Variants in PCDH9 observed in about 807,000 individuals in gnomAD.
PCDH9 encodes the protein protocadherin 9.
A neutral mutation model predicts 70.6 loss-of-function variants in PCDH9; 24 were observed. That is an observed-to-expected ratio of 0.34 (90% confidence interval 0.25 to 0.48). The LOEUF (loss-of-function observed/expected upper bound fraction) is 0.48, where lower values mean the gene tolerates loss of function less well. Ranked by LOEUF, PCDH9 falls within the 20% of genes least tolerant of loss-of-function variation. The pLI is 0.99. For missense variants in PCDH9, 1,281 were observed against 1,503.6 expected, an observed-to-expected ratio of 0.85 and a Z score of 2.45; for synonymous variants, 562 against 558.5, an observed-to-expected ratio of 1.01 and a Z score of -0.09.
chr13:66,601,129 A>G (rs2077160758), intron 4 of PCDH9, among the ~76,000 whole-genome samples: 1 of 145,634 alleles, frequency 6.9e-6, no homozygotes. Context: ...CATACAGCAT[A>G]TAATTCACAG....
chr13:66,807,325 A>G (rs1361387854), intron 3 of PCDH9, among the ~76,000 whole-genome samples: 2 of 152,232 alleles, frequency 1.3e-5, no homozygotes, highest in African/African-American at 4.8e-5. Context: ...TTAAATGATT[A>G]CCAAATAGCT....
At chr13:66,796,521 TG>T (rs2139330361) in intron 3 of PCDH9, among the ~76,000 whole-genome samples, 1 of 152,308 alleles carries the variant, frequency 6.6e-6, no homozygotes, top group South Asian at 2.1e-4. Context: ...TAAATAAAAG[TG>T]TAACTGTGTT....
At chr13:66,426,972 A>C (rs1428206736) in intron 4 of PCDH9, among the ~76,000 whole-genome samples, 1 of 151,654 alleles carries the variant, frequency 6.6e-6, no homozygotes, top group Non-Finnish European at 1.5e-5. Flanking sequence ...ATTTGAAATC[A>C]GGAAGATATA....
At chr13:66,790,082 A>C (rs912400362) in intron 3 of PCDH9, among the ~76,000 whole-genome samples, 4 of 152,142 alleles carry the variant, frequency 2.6e-5, no homozygotes, top group African/African-American at 7.2e-5. Context: ...GATTAATAAG[A>C]ATTTTACTGA....
At chr13:66,350,993 G>A (rs148541525) in intron 4 of PCDH9, among the ~76,000 whole-genome samples, 2 of 152,218 alleles carry the variant, frequency 1.3e-5, no homozygotes, top group African/African-American at 2.4e-5. Context: ...CAGGTCCTAC[G>A]AATATAGGAC....
At chr13:66,895,548 G>A (rs1049994888) in intron 3 of PCDH9, among the ~76,000 whole-genome samples, 4 of 152,234 alleles carry the variant, frequency 2.6e-5, no homozygotes, top group Non-Finnish European at 5.9e-5. Context: ...GCCAGCTTTC[G>A]CATTAGTATC....
chr13:66,824,299 GA>G, intron 3 of PCDH9, among the ~76,000 whole-genome samples: 1 of 123,804 alleles, frequency 8.1e-6, no homozygotes, highest in African/African-American at 3.0e-5. Flanking sequence ...TCATTTGTTT[GA>G]AAGTATATAT....
chr13:66,981,251 A>G (rs1008925510), intron 2 of PCDH9, among the ~76,000 whole-genome samples: 8 of 152,134 alleles, frequency 5.3e-5, no homozygotes, highest in East Asian at 1.9e-4. Flanking sequence ...ATCGTGGCTA[A>G]CACGGTGAAA....
chr13:66,360,375 G>A (rs1280826088), intron 4 of PCDH9, among the ~76,000 whole-genome samples: 1 of 152,046 alleles, frequency 6.6e-6, no homozygotes, highest in Non-Finnish European at 1.5e-5. Flanking sequence ...AAAAATGGGG[G>A]AAGTGTTTAT....
At chr13:67,066,349 T>A (rs2085647998) in intron 2 of PCDH9, among the ~76,000 whole-genome samples, 1 of 152,206 alleles carries the variant, frequency 6.6e-6, no homozygotes, top group African/African-American at 2.4e-5. Context: ...TTCTCCTGCC[T>A]CAGCCTCCCA....
intron 3 of PCDH9, among the ~76,000 whole-genome samples, chr13:66,779,849 C>CTCTCTATATATATATATATA (rs1395244975): frequency 1.3e-5 from 1 of 78,908 alleles, no homozygotes; most frequent in African/African-American, 5.2e-5. Context: ...CTCTCTCTCT[C>CTCTCTATATATATATATATA]TATATATATA....
intron 4 of PCDH9, among the ~76,000 whole-genome samples, chr13:66,592,679 T>G (rs570976379): frequency 6.6e-6 from 1 of 151,922 alleles, no homozygotes; most frequent in Non-Finnish European, 1.5e-5. Flanking sequence ...TTTCTCATTT[T>G]ATCTATGTTG....
chr13:67,017,102 G>A (rs2084578532), intron 2 of PCDH9, among the ~76,000 whole-genome samples: 1 of 152,116 alleles, frequency 6.6e-6, no homozygotes, highest in South Asian at 2.1e-4. Context: ...GATACATCGA[G>A]CAAATGTGTA....
chr13:66,744,084 C>A (rs1019516788), intron 3 of PCDH9, among the ~76,000 whole-genome samples: 1 of 152,178 alleles, frequency 6.6e-6, no homozygotes, highest in Non-Finnish European at 1.5e-5. Context: ...TATTTAAAAT[C>A]TTCTCGCAAA....
At chr13:66,729,219 T>G (rs1159158189) in intron 3 of PCDH9, among the ~76,000 whole-genome samples, 1 of 152,150 alleles carries the variant, frequency 6.6e-6, no homozygotes, top group Non-Finnish European at 1.5e-5. Flanking sequence ...TATCACATCC[T>G]TCCCAGCCAA....
At chr13:67,046,412 C>A (rs1208808575) in intron 2 of PCDH9, among the ~76,000 whole-genome samples, 2 of 152,120 alleles carry the variant, frequency 1.3e-5, no homozygotes, top group African/African-American at 4.8e-5. Flanking sequence ...AGCTGAGTAA[C>A]ATCTTAATAG....
chr13:66,357,541 C>T (rs1956404598), intron 4 of PCDH9, among the ~76,000 whole-genome samples: 1 of 151,984 alleles, frequency 6.6e-6, no homozygotes, highest in South Asian at 2.1e-4. Flanking sequence ...TCCTTCATAG[C>T]TACTCTCAGA....
At chr13:67,043,333 C>G (rs2085159249) in intron 2 of PCDH9, among the ~76,000 whole-genome samples, 1 of 151,960 alleles carries the variant, frequency 6.6e-6, no homozygotes, top group African/African-American at 2.4e-5. Context: ...ATGAAGCAAG[C>G]CAGTTGAAGT....
At chr13:66,339,792 A>T (rs893741866) in intron 4 of PCDH9, among the ~76,000 whole-genome samples, 2 of 152,128 alleles carry the variant, frequency 1.3e-5, no homozygotes, top group African/African-American at 4.8e-5. Flanking sequence ...GCACTTTTTA[A>T]AAAAGGGAAT....
Sources: gnomAD v4.1 joint callset for allele counts (sites outside exome capture counted in the v4.1 genomes callset) on GRCh38, gnomAD v4.1.1 for gene constraint, MANE v1.5 for transcripts, NCBI Gene and HGNC (gene_info 2026-07-23, HGNC 2026-07-21) for gene names.